CLSTN2: variants seen among roughly 807,000 people sequenced by gnomAD.
CLSTN2 encodes the protein calsyntenin-2.
Under a neutral mutation model 101.2 loss-of-function variants are expected in CLSTN2, and 48 were observed. That is an observed-to-expected ratio of 0.47 (90% CI 0.38 to 0.60). CLSTN2 has a LOEUF of 0.60. CLSTN2 is among the 20% of genes least tolerant of loss of function. The pLI is 0.00. For missense variants in CLSTN2, 1,160 were observed against 1,238.2 expected (o/e 0.94, Z 0.95); for synonymous variants, 481 against 463.6 (o/e 1.04, Z -0.48).
intron 1 of CLSTN2, among the ~76,000 whole-genome samples, chr3:139,969,273 A>G (rs1224640213): frequency 1.3e-5 from 2 of 152,126 alleles, no homozygotes; most frequent in Admixed American, 1.3e-4. Flanking sequence ...ATTTTGTCCA[A>G]TCTGCCATCC....
chr3:140,532,030 T>G (rs1418615157), intron 8 of CLSTN2, among the ~76,000 whole-genome samples: 2 of 152,136 alleles, frequency 1.3e-5, no homozygotes, highest in African/African-American at 4.8e-5. Context: ...TAGGACCCAC[T>G]TGTGGTTCTT....
chr3:140,530,384 G>C (rs1255511331), intron 8 of CLSTN2, among the ~76,000 whole-genome samples: 5 of 152,164 alleles, frequency 3.3e-5, no homozygotes, highest in African/African-American at 1.2e-4. Flanking sequence ...AGGTTGAAAA[G>C]TTATTATAGT....
chr3:140,067,618 T>C (rs894411912), intron 1 of CLSTN2, among the ~76,000 whole-genome samples: 1 of 152,014 alleles, frequency 6.6e-6, no homozygotes, highest in African/African-American at 2.4e-5. Context: ...CTGGAAGAGG[T>C]GATGTCAGGA....
chr3:140,391,972 C>T (rs1237915139), intron 2 of CLSTN2, among the ~76,000 whole-genome samples: 1 of 151,992 alleles, frequency 6.6e-6, no homozygotes, highest in Non-Finnish European at 1.5e-5. Context: ...TAAAGAAGGT[C>T]AAATCCACTG....
chr3:139,976,003 A>C (rs966734296), intron 1 of CLSTN2, among the ~76,000 whole-genome samples: 1 of 152,228 alleles, frequency 6.6e-6, no homozygotes, highest in Non-Finnish European at 1.5e-5. Flanking sequence ...TGACTTTTCC[A>C]TGAAGTGATT....
Position 140,028,815 on chromosome 3 carries a change from G to A in CLSTN2, c.109+93332G>A, listed in dbSNP as rs539910122. The stretch of plus-strand genomic sequence containing the variant: ...AGGATTGGTATTCTGTTAACACATA[G>A]GTCAGAAGGACAGGGCCAGGGAAAG... On this transcript the variant is annotated intron_variant, in intron 1 of 16. Coordinates refer to ENST00000458420, the MANE Select transcript of CLSTN2 (RefSeq NM_022131.3). Among the ~76,000 whole-genome samples, 67 of 152,278 alleles carry A rather than the reference G, an allele frequency of 4.4e-4. No homozygotes were observed. In the South Asian group the frequency reaches 6.0e-3, roughly 14 times the overall value.
chr3:140,430,883 A>G (rs1173969209), intron 5 of CLSTN2, among the ~76,000 whole-genome samples: 4 of 152,234 alleles, frequency 2.6e-5, no homozygotes, highest in African/African-American at 9.6e-5. Context: ...GGTAAATGGT[A>G]AATATGGAAT....
chr3:140,352,141 G>A (rs547648659), intron 2 of CLSTN2, among the ~76,000 whole-genome samples: 13 of 152,196 alleles, frequency 8.5e-5, no homozygotes, highest in Admixed American at 2.0e-4. Flanking sequence ...TCTTCCAGAC[G>A]GTTGCTGTGA....
intron 2 of CLSTN2, among the ~76,000 whole-genome samples, chr3:140,335,417 C>A (rs57698273): frequency 0.029 from 4,463 of 151,580 alleles, 88 homozygotes; most frequent in South Asian, 0.071. Flanking sequence ...ATTGAGGAAA[C>A]TCAGAGATGT....
intron 2 of CLSTN2, among the ~76,000 whole-genome samples, chr3:140,314,194 CA>C (rs937576965): frequency 4.3e-4 from 66 of 152,282 alleles, no homozygotes; most frequent in Middle Eastern, 3.4e-3. Context: ...TCCTCAAAGC[CA>C]AGCTCCTAGG....
chr3:140,356,105 G>C (rs1409533528), intron 2 of CLSTN2, among the ~76,000 whole-genome samples: 1 of 152,160 alleles, frequency 6.6e-6, no homozygotes, highest in Non-Finnish European at 1.5e-5. Flanking sequence ...TTGTCACACT[G>C]AGTTCTGATT....
intron 1 of CLSTN2, among the ~76,000 whole-genome samples, chr3:140,051,379 A>C (rs1208568333): frequency 2.0e-5 from 3 of 152,164 alleles, no homozygotes; most frequent in African/African-American, 4.8e-5. Context: ...CATTAAAATC[A>C]TTGCTGAAAC....
At chr3:140,389,633 C>T (rs1426922478) in intron 2 of CLSTN2, among the ~76,000 whole-genome samples, 2 of 152,078 alleles carry the variant, frequency 1.3e-5, no homozygotes, top group African/African-American at 4.8e-5. Context: ...ATTTATATTC[C>T]TTTGGGTATA....
At chr3:140,089,667 C>A (rs1379970558) in intron 1 of CLSTN2, among the ~76,000 whole-genome samples, 1 of 151,330 alleles carries the variant, frequency 6.6e-6, no homozygotes, top group Non-Finnish European at 1.5e-5. Context: ...GGCTAGAGTG[C>A]AGTGGTGCAA....
chr3:140,560,671 C>T (rs922577617), intron 12 of CLSTN2, among the ~76,000 whole-genome samples: 2 of 152,128 alleles, frequency 1.3e-5, no homozygotes, highest in Non-Finnish European at 2.9e-5. Flanking sequence ...AATCAAGGAA[C>T]CTGCAGATGG....
chr3:140,511,296 C>A (rs1438501247), intron 8 of CLSTN2, among the ~76,000 whole-genome samples: 1 of 152,102 alleles, frequency 6.6e-6, no homozygotes, highest in Non-Finnish European at 1.5e-5. Flanking sequence ...GATTTCATGT[C>A]TTTGCTATTG....
intron 2 of CLSTN2, among the ~76,000 whole-genome samples, chr3:140,334,234 TATC>T (rs2107931456): frequency 6.6e-6 from 1 of 152,308 alleles, no homozygotes; most frequent in South Asian, 2.1e-4. Flanking sequence ...GAGGAAGTGT[TATC>T]ATGAAGTCAT....
At chr3:140,312,975 T>C (rs1168861233) in intron 2 of CLSTN2, among the ~76,000 whole-genome samples, 1 of 152,242 alleles carries the variant, frequency 6.6e-6, no homozygotes, top group Non-Finnish European at 1.5e-5. Context: ...TGTTAATTTC[T>C]TTTTGAACAT....
rs1245046697 is a variant in CLSTN2, at chr3:140,457,660, T to C, written c.974-1861T>C. 2.1e-4 allele frequency among the ~76,000 whole-genome samples: 32 copies of C among 152,206 alleles called. 1 individual carries two copies. The highest frequency in any genetic ancestry group is 2.1e-3 in the Admixed American group (32 of 15,276). On this transcript the variant is annotated intron_variant, in intron 6 of 16. Coordinates refer to ENST00000458420, the MANE Select transcript of CLSTN2 (RefSeq NM_022131.3). ...AGGGGGTGAGAACAGGTAAGTGTGA[T>C]GAGAGGCGTGGAGCGTGGACAAGGG...
Sources: gnomAD v4.1 joint callset for allele counts (sites outside exome capture counted in the v4.1 genomes callset) on GRCh38, gnomAD v4.1.1 for gene constraint, MANE v1.5 for transcripts, NCBI Gene and HGNC (gene_info 2026-07-23, HGNC 2026-07-21) for gene names.